Variants in ZNF10 observed in about 807,000 individuals in gnomAD.
ZNF10 encodes the protein zinc finger protein 10 (KOX 1).
In ZNF10, 8 loss-of-function variants were observed where a neutral mutation model predicts 12.2. That is an observed-to-expected ratio of 0.66 (90% CI 0.39 to 1.18). The LOEUF is 1.18. ZNF10 is among the 50% of genes most tolerant of loss of function. The probability of loss-of-function intolerance (pLI) is 0.01; values close to 1 mark genes in which losing one functional copy is unlikely to be tolerated. For synonymous variants in ZNF10, 229 were observed against 228.2 expected (o/e 1.00, Z -0.03); for missense variants, 603 against 678.9 (o/e 0.89, Z 1.24).
rs562040866 is a variant in ZNF10 at position 133,158,752 on chromosome 12, A to G, written c.*1784A>G. 25 of 152,288 alleles carry G rather than the reference A, an allele frequency of 1.6e-4. No homozygotes were observed. Among genetic ancestry groups the G allele is most frequent in the African/African-American group, 5.5e-4 (23 of 41,560 alleles). The allele number at this position is 152,288 out of a possible 1,614,324, so 9.4% of individuals were successfully genotyped here. A position where few individuals can be genotyped will look rare whatever the true frequency, so the allele number is the denominator to read the frequency against. ...CAGAGATCTTGATCTCTCTCTGAGG[A>G]AAAAACCTAGAAATGATGGTTAGAA... On this transcript the variant is annotated 3_prime_UTR_variant, in exon 5 of 5. Transcript: ENST00000248211.
intron 1 of ZNF10, among the ~76,000 whole-genome samples, chr12:133,140,597 T>C (rs1390380554): frequency 6.6e-6 from 1 of 152,160 alleles, no homozygotes; most frequent in African/African-American, 2.4e-5. Context: ...TTTGTTGTTG[T>C]TGGGGCAAGA....
chr12:133,135,812 C>G (rs1479654985), intron 1 of ZNF10, among the ~76,000 whole-genome samples: 1 of 152,224 alleles, frequency 6.6e-6, no homozygotes, highest in Non-Finnish European at 1.5e-5. Context: ...ACATAGAAAT[C>G]CCAGCCCAGA....
chr12:133,140,181 T>C (rs1955935802), intron 1 of ZNF10, among the ~76,000 whole-genome samples: 2 of 124,836 alleles, frequency 1.6e-5, no homozygotes, highest in Admixed American at 2.2e-4. Context: ...CCAGCCTGGA[T>C]GACAGAGTAA....
At chr12:133,145,805 ACCCCCC>A (rs1163271406) in intron 2 of ZNF10, among the ~76,000 whole-genome samples, 1 of 31,472 alleles carries the variant, frequency 3.2e-5, no homozygotes, top group Admixed American at 4.1e-4. Context: ...ACTCTGTCCC[ACCCCCC>A]CACCCCCACA....
At chr12:133,134,247 C>T (rs1426170426) in intron 1 of ZNF10, among the ~76,000 whole-genome samples, 1 of 151,128 alleles carries the variant, frequency 6.6e-6, no homozygotes, top group African/African-American at 2.4e-5. Flanking sequence ...CAAGAGGCGG[C>T]GGTTGCAATG....
chr12:133,153,295 A>G lies in ZNF10; in HGVS notation c.256+1391A>G, dbSNP rs532943744. ...ATATAATGAATGATGATTTTTAAAA[A>G]TCAGATGATTAGTTGATTGATGGGT... On this transcript the variant is annotated intron_variant, in intron 4 of 4. Coordinates refer to ENST00000248211, the MANE Select transcript of ZNF10 (RefSeq NM_015394.5). Among the ~76,000 whole-genome samples the G allele has an allele frequency of 3.3e-5, 5 of 152,304 alleles. No homozygotes were observed. In the East Asian group the frequency reaches 7.7e-4, roughly 24 times the overall value.
chr12:133,137,282 C>T (rs1418655728), intron 1 of ZNF10, among the ~76,000 whole-genome samples: 1 of 152,160 alleles, frequency 6.6e-6, no homozygotes, highest in Non-Finnish European at 1.5e-5. Context: ...CCTAGAAGAG[C>T]ACTTTGAAGA....
chr12:133,144,916 T>G (rs1270531423), intron 2 of ZNF10: 1 of 447,800 alleles, frequency 2.2e-6, no homozygotes, highest in East Asian at 7.1e-5. Flanking sequence ...GGAGTCTTGC[T>G]CTGTCACCCA....
At chr12:133,134,787 C>T (rs2135456681) in intron 1 of ZNF10, among the ~76,000 whole-genome samples, 1 of 144,498 alleles carries the variant, frequency 6.9e-6, no homozygotes, top group Admixed American at 6.9e-5. Flanking sequence ...TTTATTGTAA[C>T]ATTTATGTTC....
intron 1 of ZNF10, among the ~76,000 whole-genome samples, chr12:133,133,721 C>T (rs529901934): frequency 8.5e-5 from 13 of 152,128 alleles, no homozygotes; most frequent in Non-Finnish European, 1.8e-4. Context: ...GAAACTTGTA[C>T]GCTAAGTGTT....
rs1034692507 is a variant in ZNF10, at chr12:133,158,891, C to T, written c.*1923C>T. The T allele has an allele frequency of 5.3e-5, 8 of 152,260 alleles. No homozygotes were observed. Among genetic ancestry groups the T allele is most frequent in the African/African-American group, 1.9e-4 (8 of 41,446 alleles). The allele number at this position is 152,260 out of a possible 1,614,324, so 9.4% of individuals were successfully genotyped here. On this transcript the variant is annotated 3_prime_UTR_variant, in exon 5 of 5. Coordinates refer to ENST00000248211, the MANE Select transcript of ZNF10 (RefSeq NM_015394.5). ...CTCACATTTTCAGTGAAGTCAGACT[C>T]AGAACTAGGTCCTGGGTTTCATGTT... is the stretch of plus-strand genomic sequence containing the variant.
chr12:133,134,094 T>C (rs1434139611), intron 1 of ZNF10, among the ~76,000 whole-genome samples: 1 of 148,070 alleles, frequency 6.8e-6, no homozygotes, highest in Non-Finnish European at 1.5e-5. Flanking sequence ...AGGTCAGGAG[T>C]TCGAGACCAG....
intron 1 of ZNF10, among the ~76,000 whole-genome samples, chr12:133,138,594 T>TATGCAC (rs1955926269): frequency 2.0e-5 from 3 of 152,314 alleles, no homozygotes; most frequent in Admixed American, 6.5e-5. Context: ...GTCCTAATCC[T>TATGCAC]TCCCTGTGCA....
rs558076287 is a variant in ZNF10, at chr12:133,159,104, G to C, written c.*2136G>C. ...TATCTACCTCAAAGCGTTGTCATGT[G>C]GATTGAGATGATATGTATGAATCAC... On this transcript the variant is annotated 3_prime_UTR_variant, in exon 5 of 5. Transcript: ENST00000248211. The C allele has an allele frequency of 6.6e-6, 1 of 152,304 alleles. No homozygotes were observed. Among genetic ancestry groups the C allele is most frequent in the African/African-American group, 2.4e-5 (1 of 41,566 alleles). 9.4% of individuals were successfully genotyped at this position (152,304 alleles called of 1,614,324 possible).
Position 133,156,613 on chromosome 12 carries a change from C to T in ZNF10, c.1367C>T (p.Thr456Ile). The change falls in exon 5 of 5, where the codon ACT becomes ATT. Residue 456 changes from threonine to isoleucine, a missense_variant. Coordinates refer to ENST00000248211, the MANE Select transcript of ZNF10 (RefSeq NM_015394.5). ...SHLYSHQRTHTGEKPYECHDC... is the reference protein window; with the variant it reads ...SHLYSHQRTHIGEKPYECHDC... ...CTTTATTCACATCAAAGAACCCACA[C>T]TGGAGAGAAACCATATGAGTGTCAT... is the stretch of plus-strand genomic sequence containing the variant. 1 of 1,614,088 alleles carries T rather than the reference C, an allele frequency of 6.2e-7. No homozygotes were observed. Among genetic ancestry groups the T allele is most frequent in the African/African-American group, 1.3e-5 (1 of 75,054 alleles).
intron 2 of ZNF10, among the ~76,000 whole-genome samples, chr12:133,150,502 C>A (rs1956000685): frequency 6.6e-6 from 1 of 151,722 alleles, no homozygotes; most frequent in Non-Finnish European, 1.5e-5. Context: ...AAGGGCCTTG[C>A]ATCTGTCTCC....
intron 4 of ZNF10, among the ~76,000 whole-genome samples, chr12:133,154,798 C>T (rs1056816251): frequency 1.3e-5 from 2 of 152,082 alleles, no homozygotes; most frequent in South Asian, 2.1e-4. Context: ...TAAATTGGGC[C>T]GGACGCACTG....
intron 2 of ZNF10, among the ~76,000 whole-genome samples, chr12:133,145,729 C>T (rs894854973): frequency 3.9e-5 from 6 of 151,950 alleles, no homozygotes; most frequent in Non-Finnish European, 7.4e-5. Context: ...TGCTTGAACC[C>T]GGGAGGCGGA....
At chr12:133,132,700 T>G (rs1442741464) in intron 1 of ZNF10, among the ~76,000 whole-genome samples, 1 of 152,210 alleles carries the variant, frequency 6.6e-6, no homozygotes, top group East Asian at 1.9e-4. Flanking sequence ...GCCACCTTTG[T>G]CTGTGTATGT....
Sources: gnomAD v4.1 joint callset for allele counts (sites outside exome capture counted in the v4.1 genomes callset) on GRCh38, gnomAD v4.1.1 for gene constraint, MANE v1.5 for transcripts, NCBI Gene and HGNC (gene_info 2026-07-23, HGNC 2026-07-21) for gene names.